The following EFHC2 variants were observed in gnomAD, a reference collection of about 807,000 sequenced individuals.
EFHC2 encodes the protein EF-hand domain containing 2, also known as EF-hand domain-containing family member C2.
EFHC2 carries 18 observed loss-of-function variants against 52.7 expected under a neutral mutation model. That is an observed-to-expected ratio of 0.34 (90% confidence interval 0.24 to 0.51). The LOEUF is 0.51. EFHC2 is among the 20% of genes least tolerant of loss of function. The probability of loss-of-function intolerance (pLI) is 0.97; values close to 1 mark genes in which losing one functional copy is unlikely to be tolerated. For missense variants in EFHC2, 513 were observed against 562.5 expected, an observed-to-expected ratio of 0.91 and a Z score of 0.89; for synonymous variants, 203 against 204.1, an observed-to-expected ratio of 0.99 and a Z score of 0.04.
chrX:44,203,863 T>C lies in EFHC2; in HGVS notation c.1752-25299A>G, dbSNP rs531140439. 4.5e-5 allele frequency among the ~76,000 whole-genome samples: 5 copies of C among 110,975 alleles called. No individual in the cohort carries two copies. The South Asian group carries it at 1.9e-3, about 43-fold the overall frequency. Reference sequence around the variant, plus strand: ...ACCTTGGCCTCCTAAAATATGGGATTACAGGTGTGAGCCACCAAGCCTGGT... The same window carrying C: ...ACCTTGGCCTCCTAAAATATGGGATCACAGGTGTGAGCCACCAAGCCTGGT... On this transcript the variant is annotated intron_variant, in intron 11 of 14. Coordinates refer to ENST00000420999, the MANE Select transcript of EFHC2 (RefSeq NM_025184.4).
intron 8 of EFHC2, among the ~76,000 whole-genome samples, chrX:44,237,978 T>G (rs761365617): frequency 8.9e-6 from 1 of 111,852 alleles, no homozygotes; most frequent in African/African-American, 3.2e-5. Flanking sequence ...ATCTACATGC[T>G]GATGGCATCC....
chrX:44,214,827 A>T (rs1377325354), intron 11 of EFHC2, among the ~76,000 whole-genome samples: 1 of 112,278 alleles, frequency 8.9e-6, no homozygotes, highest in Admixed American at 9.4e-5. Flanking sequence ...TGTAAGTGAA[A>T]TGAATGACAG....
chrX:44,250,488 T>C (rs1174482002), intron 4 of EFHC2, 43 bp from the exon 5 acceptor site: 1 of 1,152,354 alleles, frequency 8.7e-7, no homozygotes, highest in East Asian at 3.0e-5. Flanking sequence ...AGGGTTTGCA[T>C]AATCACTTCT....
rs189809922 is a variant in EFHC2 at position 44,312,599 on chromosome X, T to A, written c.200A>T (p.Asp67Val). The A allele has an allele frequency of 2.5e-4, 297 of 1,204,578 alleles. 1 individual carries two copies. In the African/African-American group the frequency reaches 4.7e-3, roughly 19 times the overall value. Residue 67 changes from aspartate (D) to valine (V), a missense_variant, in exon 2 of 15, where the codon GAT (aspartate) becomes GTT (valine). Physicochemically the swap from Asp to Val is radical, Grantham distance 152. Transcript: ENST00000420999. ...CSIYPKGDGS[D>V]VPSWVAFDKQ... ...ATCAAAGGCTACCCATGATGGTACA[T>A]CACTTCCATCTCCTTTAGGATATAT...
chrX:44,216,725 G>A (rs1331377581), intron 11 of EFHC2, among the ~76,000 whole-genome samples: 2 of 111,611 alleles, frequency 1.8e-5, no homozygotes, highest in Non-Finnish European at 3.8e-5. Flanking sequence ...AAATCAAAAT[G>A]TATTAAAGAC....
intron 2 of EFHC2, among the ~76,000 whole-genome samples, chrX:44,282,559 C>T (rs2037711402): frequency 1.4e-5 from 1 of 73,154 alleles, no homozygotes; most frequent in African/African-American, 5.0e-5. Flanking sequence ...GAGGTTGCAA[C>T]GAGCCGAGAT....
intron 12 of EFHC2, among the ~76,000 whole-genome samples, chrX:44,177,816 G>T (rs1280855018): frequency 9.0e-6 from 1 of 110,562 alleles, no homozygotes; most frequent in African/African-American, 3.3e-5. Flanking sequence ...CTAACATTTT[G>T]ATTTACTATG....
chrX:44,168,448 C>CGT (rs2036715767), intron 13 of EFHC2, among the ~76,000 whole-genome samples: 1 of 109,840 alleles, frequency 9.1e-6, no homozygotes. Context: ...AGGAGAATGG[C>CGT]GTGAACCCGG....
chrX:44,229,721 G>A lies in EFHC2; in HGVS notation c.1679C>T (p.Ser560Phe). ...LQKLKQEEGK[S>F]RELKQVFKAA... ...TTTAAATACCTGCTTGAGCTCTCTG[G>A]ATTTTCCTTCTTCTTGCTTCAGCTT... is the stretch of plus-strand genomic sequence containing the variant. The change falls in exon 11 of 15, where the codon TCC becomes TTC. Residue 560 changes from serine (S) to phenylalanine (F), a missense_variant. By Grantham distance (155) the Ser-to-Phe change is radical (BLOSUM62 -2). Transcript: ENST00000420999. 8.3e-7 allele frequency: 1 copy of A among 1,210,158 alleles called. No individual in the cohort carries two copies. Among genetic ancestry groups the A allele is most frequent in the Non-Finnish European group, 1.1e-6 (1 of 894,533 alleles).
Position 44,229,760 on chromosome X carries a change from T to A in EFHC2, c.1640A>T (p.Lys547Ile), listed in dbSNP as rs1179133505. The change falls in exon 11 of 15, where the codon AAA becomes ATA. Residue 547 changes from lysine to isoleucine, a missense_variant. Lys to Ile is a moderately radical substitution (Grantham distance 102, BLOSUM62 -3). Transcript: ENST00000420999. Reference sequence around the variant, plus strand: ...TTGCTTCAGCTTTTGTAGGGCAAGTTTGAGGTTACTGAAAGGATACTGTAA... The same window carrying A: ...TTGCTTCAGCTTTTGTAGGGCAAGTATGAGGTTACTGAAAGGATACTGTAA... ...NTDKYPFSNL[K>I]LALQKLKQEE... 1 of 1,209,553 alleles carries A rather than the reference T, an allele frequency of 8.3e-7. No homozygotes were observed. Among genetic ancestry groups the A allele is most frequent in the African/African-American group, 1.7e-5 (1 of 57,490 alleles).
chrX:44,195,201 C>T (rs780748892), intron 11 of EFHC2, among the ~76,000 whole-genome samples: 18 of 111,890 alleles, frequency 1.6e-4, no homozygotes, highest in Non-Finnish European at 3.4e-4. Flanking sequence ...TCAAAGTGTG[C>T]CAGTTCTGCG....
intron 11 of EFHC2, among the ~76,000 whole-genome samples, chrX:44,222,385 T>C (rs1400434106): frequency 8.9e-6 from 1 of 111,866 alleles, no homozygotes; most frequent in Non-Finnish European, 1.9e-5. Context: ...GCACCAGATA[T>C]ATATATTCTT....
At chrX:44,323,415 G>C (rs190353325) in intron 1 of EFHC2, among the ~76,000 whole-genome samples, 172 of 112,177 alleles carry the variant, frequency 1.5e-3, no homozygotes, top group African/African-American at 5.1e-3. Flanking sequence ...GTATACTATG[G>C]AGCAGTCGAT....
intron 11 of EFHC2, among the ~76,000 whole-genome samples, chrX:44,188,533 C>T (rs1339420783): frequency 9.0e-6 from 1 of 111,208 alleles, no homozygotes; most frequent in African/African-American, 3.3e-5. Context: ...TGACCCCCAA[C>T]CCTCAATATC....
At chrX:44,225,517 G>C (rs1458270118) in intron 11 of EFHC2, among the ~76,000 whole-genome samples, 1 of 111,826 alleles carries the variant, frequency 8.9e-6, no homozygotes, top group Non-Finnish European at 1.9e-5. Context: ...CGAAGCCCCA[G>C]GTGTATGCTG....
intron 8 of EFHC2, among the ~76,000 whole-genome samples, chrX:44,235,943 A>C (rs1424485118): frequency 9.0e-6 from 1 of 110,874 alleles, no homozygotes; most frequent in Non-Finnish European, 1.9e-5. Context: ...CCAGCTCCCC[A>C]GCAACCCCCC....
chrX:44,259,118 T>C (rs901471139), intron 4 of EFHC2, among the ~76,000 whole-genome samples: 2 of 111,697 alleles, frequency 1.8e-5, no homozygotes, highest in Non-Finnish European at 3.8e-5. Flanking sequence ...TGCAGCACTA[T>C]TCACAATAGC....
chrX:44,268,079 T>G, intron 3 of EFHC2, among the ~76,000 whole-genome samples: 1 of 112,103 alleles, frequency 8.9e-6, no homozygotes, highest in Non-Finnish European at 1.9e-5. Flanking sequence ...GTGATTACTG[T>G]GTATTCTATA....
chrX:44,330,085 C>CAAAAA (rs34888507), intron 1 of EFHC2, among the ~76,000 whole-genome samples: 66 of 45,401 alleles, frequency 1.5e-3, no homozygotes, highest in Middle Eastern at 0.015. Context: ...CCTGTCTCTA[C>CAAAAA]AAAAAAAAAA....
Sources: gnomAD v4.1 joint callset for allele counts (sites outside exome capture counted in the v4.1 genomes callset) on GRCh38, gnomAD v4.1.1 for gene constraint, MANE v1.5 for transcripts, NCBI Gene and HGNC (gene_info 2026-07-23, HGNC 2026-07-21) for gene names.